CAGE1: variants seen among roughly 807,000 people sequenced by gnomAD.
The protein encoded by CAGE1 is cancer antigen 1, also known as cancer-associated gene 1 protein.
Under a neutral mutation model 94.9 loss-of-function variants are expected in CAGE1, and 66 were observed. The ratio of observed to expected loss-of-function variants is 0.70; its 90% CI spans 0.57 to 0.85. CAGE1 has a LOEUF of 0.85. Among genes scored for constraint, CAGE1 ranks in the 40% least tolerant of loss-of-function variants. The probability of loss-of-function intolerance (pLI) is 0.00; values close to 1 mark genes in which losing one functional copy is unlikely to be tolerated. For missense variants in CAGE1, 865 were observed against 950.4 expected, an observed-to-expected ratio of 0.91 and a Z score of 1.18; for synonymous variants, 319 against 321.0, an observed-to-expected ratio of 0.99 and a Z score of 0.07.
At chr6:7,377,578 CA>C (rs1159285550) in intron 4 of CAGE1, among the ~76,000 whole-genome samples, 1 of 150,714 alleles carries the variant, frequency 6.6e-6, no homozygotes, top group Non-Finnish European at 1.5e-5. Context: ...ACTAAAAATA[CA>C]AAAAAAAATT....
chr6:7,363,597 T>C (rs1760228619), intron 9 of CAGE1, among the ~76,000 whole-genome samples: 1 of 152,204 alleles, frequency 6.6e-6, no homozygotes, highest in African/African-American at 2.4e-5. Flanking sequence ...GTACATTTCT[T>C]TACCCACTGT....
At chr6:7,327,587 CA>C (rs1399235676) in intron 13 of CAGE1, among the ~76,000 whole-genome samples, 1 of 152,178 alleles carries the variant, frequency 6.6e-6, no homozygotes, top group Non-Finnish European at 1.5e-5. Context: ...GGAATAGAAG[CA>C]AGAATCTGAA....
intron 13 of CAGE1, among the ~76,000 whole-genome samples, chr6:7,327,932 A>T (rs868221600): frequency 1.3e-5 from 2 of 149,542 alleles, no homozygotes; most frequent in Non-Finnish European, 3.0e-5. Flanking sequence ...CTCCGTCTAA[A>T]AAATAAATAA....
chr6:7,375,302 G>A (rs1209105872), intron 4 of CAGE1, among the ~76,000 whole-genome samples: 3 of 151,402 alleles, frequency 2.0e-5, no homozygotes, highest in African/African-American at 4.9e-5. Flanking sequence ...CCAGCTACTC[G>A]GGAGGCTGAG....
chr6:7,345,345 A>G (rs914191664), intron 11 of CAGE1, among the ~76,000 whole-genome samples: 2 of 144,976 alleles, frequency 1.4e-5, no homozygotes, highest in African/African-American at 2.6e-5. Flanking sequence ...AGCAGGATGA[A>G]AGAAACTCTG....
At chr6:7,384,245 T>C (rs1359012114) in intron 3 of CAGE1, among the ~76,000 whole-genome samples, 6 of 152,072 alleles carry the variant, frequency 3.9e-5, no homozygotes, top group Non-Finnish European at 8.8e-5. Flanking sequence ...GCCCGGCTAA[T>C]TTTTTGTATT....
Position 7,334,007 on chromosome 6 carries a change from T to A in CAGE1, c.2438+15A>T. 6.8e-7 allele frequency: 1 copy of A among 1,474,140 alleles called. No individual in the cohort carries two copies. The highest frequency in any genetic ancestry group is 2.0e-5 in the Admixed American group (1 of 49,634). The allele number at this position is 1,474,140 out of a possible 1,614,324, so 91.3% of individuals were successfully genotyped here. A position where few individuals can be genotyped will look rare whatever the true frequency, so the allele number is the denominator to read the frequency against. On this transcript the variant is annotated intron_variant, in intron 12 of 13. Transcript: ENST00000502583. ...TTAAAGACATTATTAATTTTAAAAA[T>A]AAAGGGAAACTTACCTTGGTTTTCT...
At chr6:7,361,806 T>C (rs995580530) in intron 9 of CAGE1, among the ~76,000 whole-genome samples, 1 of 152,120 alleles carries the variant, frequency 6.6e-6, no homozygotes, top group African/African-American at 2.4e-5. Flanking sequence ...AAACAGCTGG[T>C]AAGGTTGACA....
chr6:7,385,130 C>G (rs1761074880), intron 3 of CAGE1, among the ~76,000 whole-genome samples: 1 of 152,120 alleles, frequency 6.6e-6, no homozygotes, highest in African/African-American at 2.4e-5. Context: ...CTAAGCCTCC[C>G]AAGTAGCTGG....
intron 11 of CAGE1, among the ~76,000 whole-genome samples, chr6:7,352,290 C>CAAAAAAAAAAAACAAAA (rs1759798360): frequency 4.6e-5 from 2 of 43,646 alleles, no homozygotes; most frequent in Admixed American, 2.9e-4. Flanking sequence ...ACAATAGCTG[C>CAAAAAAAAAAAACAAAA]AAAAAAAAAA....
chr6:7,341,175 C>G, intron 11 of CAGE1: 1 of 599,812 alleles, frequency 1.7e-6, no homozygotes, highest in South Asian at 1.5e-5. Flanking sequence ...CTTTGTCAAT[C>G]CATTCTGTGT....
chr6:7,330,585 C>T (rs1253982390), intron 12 of CAGE1, among the ~76,000 whole-genome samples: 1 of 152,188 alleles, frequency 6.6e-6, no homozygotes, highest in African/African-American at 2.4e-5. Flanking sequence ...CCCACTATTT[C>T]CACTACTGAA....
At chr6:7,370,155 AAAACCTTGGGCGACAGTTCTC>A (rs1187999015) in intron 5 of CAGE1, 90 bp from the exon 6 acceptor site, 15 of 971,342 alleles carry the variant, frequency 1.5e-5, no homozygotes, top group Non-Finnish European at 2.2e-5. Context: ...GGCACTCTTA[AAAACCTTGGGCGACAGTTCTC>A]AAACTTTTTC....
At chr6:7,357,088 G>A (rs752546875) in intron 9 of CAGE1, among the ~76,000 whole-genome samples, 8 of 152,050 alleles carry the variant, frequency 5.3e-5, no homozygotes, top group Non-Finnish European at 1.0e-4. Flanking sequence ...GTGAGCCACC[G>A]CGCCCAGCCT....
At chr6:7,358,938 G>A (rs959467348) in intron 9 of CAGE1, among the ~76,000 whole-genome samples, 4 of 152,210 alleles carry the variant, frequency 2.6e-5, no homozygotes, top group Admixed American at 2.0e-4. Flanking sequence ...AACCAGCAGC[G>A]AATGAGAGTT....
At chr6:7,386,144 G>A (rs1250465593) in intron 2 of CAGE1, among the ~76,000 whole-genome samples, 3 of 152,094 alleles carry the variant, frequency 2.0e-5, no homozygotes, top group African/African-American at 7.2e-5. Context: ...TAAACTTAGG[G>A]ATACGTGATA....
Position 7,385,823 on chromosome 6 carries a change from CAA to C in CAGE1, c.243_244del (p.Cys82Ter), listed in dbSNP as rs751716850. 5.5e-5 allele frequency: 85 copies of C among 1,544,824 alleles called. No individual in the cohort carries two copies. The highest frequency in any genetic ancestry group is 6.9e-5 in the Non-Finnish European group (79 of 1,144,582). On this transcript the variant is annotated frameshift_variant, in exon 3 of 14. Coordinates refer to ENST00000502583, the MANE Select transcript of CAGE1 (RefSeq NM_001170692.2). LOFTEE classifies it high-confidence loss of function. ...GTCTAGTGTGCCATAAGCATCTTCA[CAA>C]AGTGTGGATTCATACTCATTTTCCC...
At position 7,388,720 on chromosome 6, in the gene CAGE1, C is replaced by T. The variant is rs72821088; in HGVS notation, c.-24+482G>A. Among the ~76,000 whole-genome samples the T allele has an allele frequency of 7.8e-3, 1,190 of 152,236 alleles. 2 individuals carry two copies. Among genetic ancestry groups the T allele is most frequent in the Non-Finnish European group, 0.012 (804 of 68,008 alleles). On this transcript the variant is annotated intron_variant, in intron 1 of 13. Transcript: ENST00000502583. Reference sequence around the variant, plus strand: ...AAATTAGTTGTTTTCAAACCTATGTCATCACTTGGTAAAATATAAAAAAGT... The same window carrying T: ...AAATTAGTTGTTTTCAAACCTATGTTATCACTTGGTAAAATATAAAAAAGT...
chr6:7,357,757 A>C (rs1760007986), intron 9 of CAGE1, among the ~76,000 whole-genome samples: 1 of 151,830 alleles, frequency 6.6e-6, no homozygotes, highest in Non-Finnish European at 1.5e-5. Flanking sequence ...TTTAAAGTGT[A>C]TGGTTTGGTA....
Sources: allele counts gnomAD v4.1 joint callset (sites outside exome capture counted in the v4.1 genomes callset), GRCh38; gene constraint gnomAD v4.1.1; transcripts MANE v1.5; gene names NCBI Gene and HGNC (gene_info 2026-07-23, HGNC 2026-07-21).